Variants in TRPC7 observed in about 807,000 individuals in gnomAD.
TRPC7 encodes the protein short transient receptor potential channel 7.
In TRPC7, 42 loss-of-function variants were observed where a neutral mutation model predicts 90.1. That is an observed-to-expected ratio of 0.47 (90% CI 0.36 to 0.60). The LOEUF (loss-of-function observed/expected upper bound fraction) is 0.60, where lower values mean the gene tolerates loss of function less well. Ranked by LOEUF, TRPC7 falls within the 20% of genes least tolerant of loss-of-function variation. The pLI is 0.00. For missense variants in TRPC7, 955 were observed against 1,112.3 expected, an observed-to-expected ratio of 0.86 and a Z score of 2.01; for synonymous variants, 451 against 436.3, an observed-to-expected ratio of 1.03 and a Z score of -0.42.
chr5:136,301,332 ATTTTTTTTTTTTTTTTT>A (rs368799815), intron 3 of TRPC7, among the ~76,000 whole-genome samples: 1 of 85,710 alleles, frequency 1.2e-5, no homozygotes, highest in Non-Finnish European at 2.2e-5. Context: ...CAGCCCAGGC[ATTTTTTTTTTTTTTTTT>A]TTTTTTTTTT....
chr5:136,356,301 GC>G (rs1223597560), intron 2 of TRPC7, among the ~76,000 whole-genome samples: 1 of 152,248 alleles, frequency 6.6e-6, no homozygotes, highest in Non-Finnish European at 1.5e-5. Context: ...CTGAGGCGGA[GC>G]TAAGGCATTG....
At chr5:136,321,163 C>A (rs1457487075) in intron 2 of TRPC7, among the ~76,000 whole-genome samples, 3 of 152,152 alleles carry the variant, frequency 2.0e-5, no homozygotes, top group Non-Finnish European at 4.4e-5. Flanking sequence ...TGGTCTGACT[C>A]AAATCCTGAT....
Position 136,261,283 on chromosome 5 carries a change from G to A in TRPC7, c.1345+4937C>T, listed in dbSNP as rs182668090. Among the ~76,000 whole-genome samples the A allele has an allele frequency of 3.6e-3, 547 of 152,238 alleles. 3 individuals carry two copies. Among genetic ancestry groups the A allele is most frequent in the African/African-American group, 0.013 (523 of 41,532 alleles). On this transcript the variant is annotated intron_variant, in intron 5 of 11. Transcript: ENST00000513104. The stretch of plus-strand genomic sequence containing the variant: ...TAGCTGCTTCCCTAGTACCTGACAC[G>A]GTGCCTGATGTATAATATAGTGCCT...
intron 3 of TRPC7, among the ~76,000 whole-genome samples, chr5:136,282,602 G>T (rs1757582166): frequency 6.6e-6 from 1 of 151,788 alleles, no homozygotes; most frequent in African/African-American, 2.4e-5. Context: ...CAAGATTTAG[G>T]GTCACTAATT....
chr5:136,338,513 C>T, intron 2 of TRPC7, among the ~76,000 whole-genome samples: 1 of 152,148 alleles, frequency 6.6e-6, no homozygotes, highest in East Asian at 1.9e-4. Flanking sequence ...TACATAGTGT[C>T]CTATCGCTCA....
At chr5:136,287,723 A>AAAAAAAAAAAAAAAAAAAAAAAACC (rs1554113179) in intron 3 of TRPC7, among the ~76,000 whole-genome samples, 1 of 127,662 alleles carries the variant, frequency 7.8e-6, no homozygotes, top group Non-Finnish European at 1.7e-5. Context: ...AAAAAAAAAA[A>AAAAAAAAAAAAAAAAAAAAAAAACC]AAAAAACCCA....
At chr5:136,333,033 A>G (rs968355573) in intron 2 of TRPC7, among the ~76,000 whole-genome samples, 43 of 152,216 alleles carry the variant, frequency 2.8e-4, no homozygotes, top group African/African-American at 9.6e-4. Flanking sequence ...AATGAGATAC[A>G]TAGAGCAGCC....
intron 3 of TRPC7, among the ~76,000 whole-genome samples, chr5:136,311,329 T>G (rs1561714060): frequency 6.6e-6 from 1 of 151,862 alleles, no homozygotes; most frequent in East Asian, 1.9e-4. Flanking sequence ...TGGATGAGAG[T>G]GTGTCTTCTG....
chr5:136,214,890 T>C (rs1755213983), intron 11 of TRPC7, among the ~76,000 whole-genome samples: 1 of 152,170 alleles, frequency 6.6e-6, no homozygotes, highest in Non-Finnish European at 1.5e-5. Flanking sequence ...ATCTCATTAA[T>C]TACCTGGCAT....
intron 5 of TRPC7, among the ~76,000 whole-genome samples, chr5:136,259,911 A>T (rs145007666): frequency 3.8e-4 from 58 of 152,252 alleles, no homozygotes; most frequent in African/African-American, 1.3e-3. Flanking sequence ...GGCTCTGTCT[A>T]CTTAGTCTCC....
intron 7 of TRPC7, among the ~76,000 whole-genome samples, chr5:136,241,396 A>C (rs1756157812): frequency 6.6e-6 from 1 of 152,244 alleles, no homozygotes; most frequent in South Asian, 2.1e-4. Flanking sequence ...CTGAAAGGCC[A>C]AGTTCACCCA....
rs552034067 is a variant in TRPC7, at chr5:136,212,745, T to G, written c.*690A>C. ...GGCCCTGGTAGCGTATCCACAGAAG[T>G]TATTATGAGGTAATTTTATTTCTTT... is the stretch of plus-strand genomic sequence containing the variant. On this transcript the variant is annotated 3_prime_UTR_variant, in exon 12 of 12. Coordinates refer to ENST00000513104, the MANE Select transcript of TRPC7 (RefSeq NM_020389.3). 1.3e-5 allele frequency among the ~76,000 whole-genome samples: 2 copies of G among 152,296 alleles called. No homozygotes were observed. The highest frequency in any genetic ancestry group is 3.9e-4 in the East Asian group (2 of 5,186).
At chr5:136,323,801 C>A (rs186581723) in intron 2 of TRPC7, among the ~76,000 whole-genome samples, 5 of 152,034 alleles carry the variant, frequency 3.3e-5, no homozygotes, top group African/African-American at 1.2e-4. Context: ...ATTATCTTGG[C>A]TTTTCTCATT....
chr5:136,351,106 T>C (rs942494625), intron 2 of TRPC7, among the ~76,000 whole-genome samples: 1 of 152,252 alleles, frequency 6.6e-6, no homozygotes, highest in Non-Finnish European at 1.5e-5. Flanking sequence ...TACTGTGTTT[T>C]ATATATTTGT....
chr5:136,321,881 T>A (rs1426770259), intron 2 of TRPC7, among the ~76,000 whole-genome samples: 1 of 152,166 alleles, frequency 6.6e-6, no homozygotes, highest in Non-Finnish European at 1.5e-5. Flanking sequence ...GCATCAATAG[T>A]CAATTTTTCT....
intron 7 of TRPC7, among the ~76,000 whole-genome samples, chr5:136,246,323 C>T (rs1197358589): frequency 6.6e-6 from 1 of 152,234 alleles, no homozygotes; most frequent in Non-Finnish European, 1.5e-5. Context: ...CAGTGACCTG[C>T]AACCACTCGC....
At chr5:136,280,853 C>T (rs1249361535) in intron 3 of TRPC7, among the ~76,000 whole-genome samples, 1 of 152,178 alleles carries the variant, frequency 6.6e-6, no homozygotes, top group African/African-American at 2.4e-5. Flanking sequence ...ATTTAACCCT[C>T]ACATCAGTTC....
intron 6 of TRPC7, among the ~76,000 whole-genome samples, chr5:136,251,355 A>C (rs1013014981): frequency 1.3e-5 from 2 of 152,226 alleles, no homozygotes; most frequent in Non-Finnish European, 2.9e-5. Context: ...AACAAACTAC[A>C]GAAATGTTCC....
intron 7 of TRPC7, among the ~76,000 whole-genome samples, chr5:136,240,955 A>C (rs1756143883): frequency 6.6e-6 from 1 of 152,144 alleles, no homozygotes; most frequent in African/African-American, 2.4e-5. Context: ...CTCTAAGCCG[A>C]GTACGTGAAG....
Sources: allele counts gnomAD v4.1 joint callset (sites outside exome capture counted in the v4.1 genomes callset), GRCh38; gene constraint gnomAD v4.1.1; transcripts MANE v1.5; gene names NCBI Gene and HGNC (gene_info 2026-07-23, HGNC 2026-07-21).